The following IFT140 variants were observed in gnomAD, a reference collection of about 807,000 sequenced individuals.
IFT140 encodes intraflagellar transport protein 140 homolog.
IFT140 carries 133 observed loss-of-function variants against 164.6 expected under a neutral mutation model. The observed-to-expected ratio is 0.81, with a 90% CI of 0.70 to 0.93. The LOEUF is 0.93. IFT140 is among the 40% of genes least tolerant of loss of function. IFT140 has a pLI of 0.00. For missense variants in IFT140, 2,045 were observed against 1,972.3 expected (o/e 1.04, Z -0.70); for synonymous variants, 860 against 817.3 (o/e 1.05, Z -0.89).
At chr16:1,584,904 A>G (rs1400262839) in intron 10 of IFT140, among the ~76,000 whole-genome samples, 1 of 152,220 alleles carries the variant, frequency 6.6e-6, no homozygotes, top group Non-Finnish European at 1.5e-5. Flanking sequence ...TAAATTCCAT[A>G]TAGGAAAAAA....
At chr16:1,523,445 C>T in intron 26 of IFT140, 73 bp downstream of exon 26, 1 of 1,500,688 alleles carries the variant, frequency 6.7e-7, no homozygotes, top group Non-Finnish European at 9.0e-7. Context: ...GCCATTCCCA[C>T]AGCCTCTGGG....
chr16:1,523,926 A>C lies in IFT140; in HGVS notation c.3172T>G (p.Leu1058Val). 6.2e-7 allele frequency: 1 copy of C among 1,613,160 alleles called. No individual in the cohort carries two copies. Among genetic ancestry groups the C allele is most frequent in the South Asian group, 1.1e-5 (1 of 91,068 alleles). The part of the protein sequence containing the change: ...ENGLDDQLMN[L>V]ALLSSPEDMI... ...TCCTCGGGGGAGCTCAGCAGGGCCA[A>C]GTTCATGAGCTGGTCGTCCAGGCCG... Residue 1058 changes from leucine to valine, a missense_variant, in exon 25 of 31, where the codon TTG becomes GTG. Physicochemically the swap from Leu to Val is conservative, Grantham distance 32. Coordinates refer to ENST00000426508, the MANE Select transcript of IFT140 (RefSeq NM_014714.4).
rs555244196 is a variant in IFT140, at chr16:1,555,277, A to G, written c.2399+2658T>C. 9.9e-6 allele frequency: 5 copies of G among 502,740 alleles called. No individual in the cohort carries two copies. The East Asian group carries it at 1.8e-4, about 18-fold the overall frequency. The allele number at this position is 502,740 out of a possible 1,614,324, so 31.1% of individuals were successfully genotyped here. A position where few individuals can be genotyped will look rare whatever the true frequency, so the allele number is the denominator to read the frequency against. ...TAGCGCAACGCGGCTCCACGACCAC[A>G]CGCACTTCAGGGTGGAAGCTGGAAG... is the stretch of plus-strand genomic sequence containing the variant. On this transcript the variant is annotated intron_variant, in intron 19 of 30. Coordinates refer to ENST00000426508, the MANE Select transcript of IFT140 (RefSeq NM_014714.4).
At chr16:1,593,315 CT>C (rs796687743) in intron 4 of IFT140, among the ~76,000 whole-genome samples, 2,366 of 145,868 alleles carry the variant, frequency 0.016, 58 homozygotes, top group African/African-American at 0.051. Context: ...TTAAAATAAA[CT>C]TTTTTTTTTT....
intron 10 of IFT140, 27 bp downstream of exon 10, chr16:1,586,103 T>G (rs765727924): frequency 6.2e-7 from 1 of 1,607,440 alleles, no homozygotes. Context: ...AGAAAATGAG[T>G]GCACCGAACA....
chr16:1,558,051 G>A lies in IFT140; in HGVS notation c.2283C>T (p.Asp761=). The change falls in exon 19 of 31, where the codon GAC becomes GAT. Residue 761 remains aspartate (D), a synonymous_variant. Transcript: ENST00000426508. ...TGTCGCAGTCCTCCAGCCCCACAAA[G>A]TCTCGCAGGGGTCTCCTGGACACCA... ...PQMVSRRPLR[D]FVGLEDCDKA... is the part of the protein sequence containing the mutation. The A allele has an allele frequency of 6.2e-7, 1 of 1,614,078 alleles. No homozygotes were observed. Among genetic ancestry groups the A allele is most frequent in the Non-Finnish European group, 8.5e-7 (1 of 1,180,032 alleles).
rs1212413236 is a variant in IFT140 at position 1,524,069 on chromosome 16, C to G, written c.3142-113G>C. ...CGCCCCTTCACTTTGACACACTGCT[C>G]AGCGATCTCTGCGGTGATGGGTTTT... On this transcript the variant is annotated intron_variant, in intron 24 of 30. Coordinates refer to ENST00000426508, the MANE Select transcript of IFT140 (RefSeq NM_014714.4). 8 of 1,356,306 alleles carry G rather than the reference C, an allele frequency of 5.9e-6. No individual in the cohort carries two copies. The East Asian group carries it at 1.9e-4, about 32-fold the overall frequency. The allele number at this position is 1,356,306 out of a possible 1,614,324, so 84.0% of individuals were successfully genotyped here.
chr16:1,543,867 G>C (rs571133072), intron 19 of IFT140, among the ~76,000 whole-genome samples: 1 of 152,314 alleles, frequency 6.6e-6, no homozygotes, highest in African/African-American at 2.4e-5. Context: ...AAATGCCGTG[G>C]CTTAAAGAAG....
At chr16:1,574,239 G>C (rs746833712) in intron 13 of IFT140, among the ~76,000 whole-genome samples, 5 of 152,026 alleles carry the variant, frequency 3.3e-5, no homozygotes, top group Admixed American at 6.6e-5. Context: ...GAGTTTTCTG[G>C]GCAGCTGCCT....
rs144892034 is a variant in IFT140, at chr16:1,521,355, C to T, written c.3454-547G>A. Among the ~76,000 whole-genome samples, 241 of 151,898 alleles carry T rather than the reference C, an allele frequency of 1.6e-3. 2 individuals are homozygous for T. Among genetic ancestry groups the T allele is most frequent in the African/African-American group, 5.5e-3 (227 of 41,420 alleles). ...TGCTGGGATTGCAGGCACAAGCCACCGTGCCGGCCTGATTTTCCTAACATT... is the reference window on the plus strand; with the variant it reads ...TGCTGGGATTGCAGGCACAAGCCACTGTGCCGGCCTGATTTTCCTAACATT... On this transcript the variant is annotated intron_variant, in intron 26 of 30. Coordinates refer to ENST00000426508, the MANE Select transcript of IFT140 (RefSeq NM_014714.4).
chr16:1,591,298 C>T (rs2035168927), intron 6 of IFT140, among the ~76,000 whole-genome samples: 2 of 152,352 alleles, frequency 1.3e-5, no homozygotes, highest in African/African-American at 2.4e-5. Context: ...TCCTTGCCAT[C>T]TCACAGTGCT....
At chr16:1,597,540 G>A (rs1292269650) in intron 4 of IFT140, among the ~76,000 whole-genome samples, 1 of 152,246 alleles carries the variant, frequency 6.6e-6, no homozygotes, top group Non-Finnish European at 1.5e-5. Context: ...TCTGGTGGAA[G>A]AGCAGGGAAG....
rs550782857 is a variant in IFT140, at chr16:1,542,053, T to C, written c.2400-15257A>G. The C allele has an allele frequency of 6.3e-5, 102 of 1,609,604 alleles. 1 individual carries two copies. The South Asian group carries it at 9.5e-4, about 15-fold the overall frequency. ...GACGCCCCGTGCTGGGAGGAGGCCA[T>C]GGCCGCTGCATTCCAACTGGCGAGT... On this transcript the variant is annotated intron_variant, in intron 19 of 30. Coordinates refer to ENST00000426508, the MANE Select transcript of IFT140 (RefSeq NM_014714.4).
chr16:1,524,720 C>T (rs757358956), intron 23 of IFT140, 25 bp from the exon 24 acceptor site: 25 of 1,578,366 alleles, frequency 1.6e-5, no homozygotes, highest in African/African-American at 1.5e-4. Context: ...AACCCAAAGA[C>T]GAGACACGGT....
chr16:1,520,477 C>A, intron 27 of IFT140, 125 bp downstream of exon 27: 1 of 1,349,182 alleles, frequency 7.4e-7, no homozygotes, highest in South Asian at 1.3e-5. Flanking sequence ...TGGTTGTGCT[C>A]TTCCTGGCCA....
rs763475669 is a variant in IFT140, at chr16:1,551,455, GA to G, written c.2399+6479del. Among the ~76,000 whole-genome samples, 9 of 152,194 alleles carry G rather than the reference GA, an allele frequency of 5.9e-5. No homozygotes were observed. Among genetic ancestry groups the G allele is most frequent in the Non-Finnish European group, 1.2e-4 (8 of 68,030 alleles). On this transcript the variant is annotated intron_variant, in intron 19 of 30. Transcript: ENST00000426508. This position sits in a 1 kb window ranked among gnomAD's most constrained non-coding sequence, Gnocchi z 4.0. Reference sequence around the variant, plus strand: ...AGGGCCACTGGGCCCCAGGGTGGCAGAAGGGCGGCCGCAGGTAGCAGGGGAG... The same window carrying G: ...AGGGCCACTGGGCCCCAGGGTGGCAGAGGGCGGCCGCAGGTAGCAGGGGAG...
At chr16:1,528,064 T>C (rs1473774471) in intron 19 of IFT140, among the ~76,000 whole-genome samples, 1 of 152,134 alleles carries the variant, frequency 6.6e-6, no homozygotes, top group Non-Finnish European at 1.5e-5. Flanking sequence ...CCAGGCCTCC[T>C]GGTGGGGCTG....
At chr16:1,550,318 C>T (rs2141374038) in intron 19 of IFT140, among the ~76,000 whole-genome samples, 1 of 152,332 alleles carries the variant, frequency 6.6e-6, no homozygotes, top group Non-Finnish European at 1.5e-5. Flanking sequence ...TTATGGCAAG[C>T]AACACAGCCA....
chr16:1,574,083 T>C (rs919149623), intron 13 of IFT140, among the ~76,000 whole-genome samples: 2 of 152,084 alleles, frequency 1.3e-5, no homozygotes, highest in African/African-American at 4.8e-5. Flanking sequence ...GCTCAGCCCA[T>C]TGCTAATCAA....
Sources: allele counts gnomAD v4.1 joint callset (sites outside exome capture counted in the v4.1 genomes callset), GRCh38; gene constraint gnomAD v4.1.1; non-coding constraint Gnocchi (gnomAD v3.1); transcripts MANE v1.5; gene names NCBI Gene and HGNC (gene_info 2026-07-23, HGNC 2026-07-21).